The following ZCCHC2 variants were observed in gnomAD, a reference collection of about 807,000 sequenced individuals.
The protein encoded by ZCCHC2 is zinc finger CCHC domain-containing protein 2.
ZCCHC2 carries 39 observed loss-of-function variants against 103.6 expected under a neutral mutation model. The observed-to-expected ratio is 0.38, with a 90% CI of 0.29 to 0.49. The LOEUF is 0.49. ZCCHC2 is among the 20% of genes least tolerant of loss of function. The probability of loss-of-function intolerance (pLI) is 0.96; values close to 1 mark genes in which losing one functional copy is unlikely to be tolerated. For missense variants in ZCCHC2, 1,483 were observed against 1,491.0 expected (o/e 0.99, Z 0.09); for synonymous variants, 687 against 608.9 (o/e 1.13, Z -1.89).
At chr18:62,539,412 G>C (rs937109672) in intron 1 of ZCCHC2, 1 of 307,020 alleles carries the variant, frequency 3.3e-6, no homozygotes, top group Non-Finnish European at 6.2e-6. Context: ...CTTTGATTTG[G>C]ATTCAGAATT....
chr18:62,545,836 G>A (rs1049422761), intron 4 of ZCCHC2, among the ~76,000 whole-genome samples: 1 of 152,188 alleles, frequency 6.6e-6, no homozygotes, highest in Non-Finnish European at 1.5e-5. Flanking sequence ...GTCACCATAA[G>A]TGTGTTCTTT....
chr18:62,575,696 T>C, intron 13 of ZCCHC2, 146 bp downstream of exon 13: 1 of 1,048,930 alleles, frequency 9.5e-7, no homozygotes, highest in South Asian at 1.7e-5. Flanking sequence ...GATCATAAAA[T>C]GCAACTGGAA....
intron 14 of ZCCHC2, chr18:62,584,314 A>C (rs1231918178): frequency 6.6e-6 from 1 of 152,138 alleles, no homozygotes; most frequent in African/African-American, 2.4e-5. Flanking sequence ...CCGCCTGCAG[A>C]GAATGCGGGC....
chr18:62,582,332 A>G (rs1917057991), downstream of ZCCHC2, among the ~76,000 whole-genome samples: 1 of 152,244 alleles, frequency 6.6e-6, no homozygotes, highest in Admixed American at 6.5e-5. Flanking sequence ...AGGAACCTTG[A>G]TGCTCTGAAC....
At chr18:62,536,765 A>G (rs541673714) in intron 1 of ZCCHC2, among the ~76,000 whole-genome samples, 3 of 152,300 alleles carry the variant, frequency 2.0e-5, no homozygotes, top group Admixed American at 6.5e-5. Context: ...TAATTAGTAG[A>G]TATATCATGG....
Position 62,523,376 on chromosome 18 carries a change from G to GGGGGGGGGGCC in ZCCHC2, c.-49_-48insGGGGGGGGGCC. 35 of 1,012,310 alleles carry GGGGGGGGGGCC rather than the reference G, an allele frequency of 3.5e-5. No individual in the cohort carries two copies. The highest frequency in any genetic ancestry group is 5.3e-5 in the African/African-American group (3 of 56,958). The allele number at this position is 1,012,310 out of a possible 1,614,324, so 62.7% of individuals were successfully genotyped here. On this transcript the variant is annotated 5_prime_UTR_variant, in exon 1 of 14. Coordinates refer to ENST00000269499, the MANE Select transcript of ZCCHC2 (RefSeq NM_017742.6). Reference sequence around the variant, plus strand: ...GCCTCGGCCCGTGCTCCACCTCGCGGCCCCTCCCGCCCGCCCCCGCTCGCA... The same window carrying GGGGGGGGGGCC: ...GCCTCGGCCCGTGCTCCACCTCGCGGGGGGGGGGGCCCCCCTCCCGCCCGCCCCCGCTCGCA...
At chr18:62,583,758 G>T in intron 14 of ZCCHC2, among the ~76,000 whole-genome samples, 1 of 152,000 alleles carries the variant, frequency 6.6e-6, no homozygotes, top group Non-Finnish European at 1.5e-5. Context: ...ATGAAGAAAT[G>T]GGGTCCCTGC....
At chr18:62,527,547 A>G (rs1183893075) in intron 1 of ZCCHC2, among the ~76,000 whole-genome samples, 2 of 152,238 alleles carry the variant, frequency 1.3e-5, no homozygotes, top group Admixed American at 6.5e-5. Context: ...GGTAAATATT[A>G]CATTGGATTA....
chr18:62,549,983 A>G (rs370928578), intron 4 of ZCCHC2, among the ~76,000 whole-genome samples: 23 of 152,258 alleles, frequency 1.5e-4, no homozygotes, highest in Non-Finnish European at 2.5e-4. Flanking sequence ...AGTACTAGCT[A>G]TGCTGAGCAG....
At chr18:62,542,641 G>T (rs1375655130) in intron 3 of ZCCHC2, 67 bp downstream of exon 3, 4 of 1,376,964 alleles carry the variant, frequency 2.9e-6, no homozygotes, top group East Asian at 2.5e-5. Context: ...AAAACTTGTG[G>T]CAGGTTTGCT....
intron 5 of ZCCHC2, 121 bp downstream of exon 5, chr18:62,550,581 A>G: frequency 1.4e-6 from 1 of 695,402 alleles, no homozygotes; most frequent in East Asian, 2.7e-5. Context: ...CTTAAAATGG[A>G]CATGTTATCC....
Position 62,576,843 on chromosome 18 carries a change from GCTT to G in ZCCHC2, c.*265_*267del. On this transcript the variant is annotated 3_prime_UTR_variant, in exon 14 of 14. Transcript: ENST00000269499. ...CAGACAAACTTAAATGTTGGTGCGT[GCTT>G]TTTTTTTTTTTTTTACACTGAATAC... The G allele has an allele frequency of 5.1e-6, 1 of 197,946 alleles. No individual in the cohort carries two copies. Among genetic ancestry groups the G allele is most frequent in the Non-Finnish European group, 8.4e-6 (1 of 118,960 alleles). The allele number at this position is 197,946 out of a possible 1,614,324, so 12.3% of individuals were successfully genotyped here. A position where few individuals can be genotyped will look rare whatever the true frequency, so the allele number is the denominator to read the frequency against.
chr18:62,537,451 G>A (rs761765891), intron 1 of ZCCHC2, among the ~76,000 whole-genome samples: 82 of 152,306 alleles, frequency 5.4e-4, no homozygotes, highest in Non-Finnish European at 9.1e-4. Context: ...GATTGCAGGC[G>A]TGAGCTACCA....
intron 1 of ZCCHC2, among the ~76,000 whole-genome samples, chr18:62,536,165 G>A (rs577923421): frequency 6.6e-6 from 1 of 152,280 alleles, no homozygotes; most frequent in South Asian, 2.1e-4. Context: ...ATGGGTCTAC[G>A]TGTGATCTGT....
chr18:62,524,571 A>G (rs916688107), intron 1 of ZCCHC2: 47 of 675,794 alleles, frequency 7.0e-5, no homozygotes, highest in Non-Finnish European at 9.9e-5. Flanking sequence ...ACACCCCGGC[A>G]GACACAGCCA....
Position 62,560,614 on chromosome 18 carries a change from A to G in ZCCHC2, c.1520A>G (p.Lys507Arg), listed in dbSNP as rs778171889. 1 of 1,613,618 alleles carries G rather than the reference A, an allele frequency of 6.2e-7. No homozygotes were observed. Among genetic ancestry groups the G allele is most frequent in the South Asian group, 1.1e-5 (1 of 91,050 alleles). ...EDVLQHAIIH[K>R]KHTGKSPIVN... is the part of the protein sequence containing the mutation. Reference sequence around the variant, plus strand: ...GTGTTGCAGCATGCCATAATCCACAAGAAGCATACTGGGAAAAGTCCCATT... The same window carrying G: ...GTGTTGCAGCATGCCATAATCCACAGGAAGCATACTGGGAAAAGTCCCATT... Residue 507 changes from lysine to arginine, a missense_variant, in exon 8 of 14, where the codon AAG becomes AGG. Lys to Arg is a conservative substitution (Grantham distance 26). This residue lies in a region of ZCCHC2 where 884 missense variants were observed against 907.5 expected (regional missense o/e 0.97). Transcript: ENST00000269499.
chr18:62,526,963 G>A (rs1598924365), intron 1 of ZCCHC2: 1 of 150,900 alleles, frequency 6.6e-6, no homozygotes, highest in African/African-American at 2.5e-5. Flanking sequence ...GGCCGTACTG[G>A]GCCGTGGCGA....
In ZCCHC2 at chr18:62,563,196, T is replaced by C. The variant is rs549076499; in HGVS notation, c.1686+52T>C. 4.6e-5 allele frequency: 71 copies of C among 1,559,218 alleles called. 1 individual carries two copies. In the South Asian group the frequency reaches 7.7e-4, roughly 17 times the overall value. On this transcript the variant is annotated intron_variant, in intron 9 of 13. Coordinates refer to ENST00000269499, the MANE Select transcript of ZCCHC2 (RefSeq NM_017742.6). ...ATATAGTTAAAGCATTGCTCCTCTATAAGAAAAAAATTAAGTTCTGTAAGC... is the reference window on the plus strand; with the variant it reads ...ATATAGTTAAAGCATTGCTCCTCTACAAGAAAAAAATTAAGTTCTGTAAGC...
intron 1 of ZCCHC2, among the ~76,000 whole-genome samples, chr18:62,527,839 G>A (rs961834015): frequency 1.8e-4 from 28 of 152,196 alleles, no homozygotes; most frequent in African/African-American, 5.3e-4. Context: ...TTGTGTGTTA[G>A]CAACAAAAAA....
Sources: gnomAD v4.1 joint callset for allele counts (sites outside exome capture counted in the v4.1 genomes callset) on GRCh38, gnomAD v4.1.1 for gene constraint, gnomAD v4.1.1 regional missense constraint, MANE v1.5 for transcripts, NCBI Gene and HGNC (gene_info 2026-07-23, HGNC 2026-07-21) for gene names.